MAN1A1: variants seen among roughly 807,000 people sequenced by gnomAD.
MAN1A1 encodes the protein mannosidase alpha class 1A member 1.
MAN1A1 carries 29 observed loss-of-function variants against 70.8 expected under a neutral mutation model. The observed-to-expected ratio is 0.41, with a 90% confidence interval of 0.31 to 0.56. MAN1A1 has a LOEUF of 0.56. Ranked by LOEUF, MAN1A1 falls within the 20% of genes least tolerant of loss-of-function variation. MAN1A1 has a pLI of 0.29. For missense variants in MAN1A1, 747 were observed against 841.3 expected (o/e 0.89, Z 1.39); for synonymous variants, 349 against 330.1 (o/e 1.06, Z -0.62).
intron 2 of MAN1A1, among the ~76,000 whole-genome samples, chr6:119,315,594 A>G (rs766799522): frequency 3.3e-5 from 5 of 152,208 alleles, no homozygotes; most frequent in Admixed American, 6.5e-5. Flanking sequence ...CAGAGGGTAC[A>G]GGGGAAAAGA....
chr6:119,325,583 G>C (rs1344197612), intron 2 of MAN1A1, among the ~76,000 whole-genome samples: 1 of 152,116 alleles, frequency 6.6e-6, no homozygotes, highest in East Asian at 1.9e-4. Flanking sequence ...CTTGAACCCA[G>C]GAGGCAGAGG....
chr6:119,201,595 G>GA (rs1773714721), intron 7 of MAN1A1, among the ~76,000 whole-genome samples: 1 of 152,158 alleles, frequency 6.6e-6, no homozygotes, highest in Non-Finnish European at 1.5e-5. Context: ...CACACTCTTA[G>GA]AATTGTGCAT....
intron 8 of MAN1A1, among the ~76,000 whole-genome samples, chr6:119,200,018 C>A (rs1411399831): frequency 6.6e-6 from 1 of 152,054 alleles, no homozygotes; most frequent in Non-Finnish European, 1.5e-5. Context: ...AGCAGTATCA[C>A]CTAACACTGT....
intron 8 of MAN1A1, among the ~76,000 whole-genome samples, chr6:119,200,557 C>T (rs533137029): frequency 2.6e-4 from 40 of 152,300 alleles, no homozygotes; most frequent in African/African-American, 8.7e-4. Context: ...AGTTGGGTAT[C>T]TCAATATTCT....
chr6:119,310,875 T>C (rs1350775730), intron 2 of MAN1A1, among the ~76,000 whole-genome samples: 2 of 152,214 alleles, frequency 1.3e-5, no homozygotes, highest in African/African-American at 4.8e-5. Context: ...TGAATGTTGG[T>C]GAATCATCTT....
intron 2 of MAN1A1, among the ~76,000 whole-genome samples, chr6:119,335,281 T>C (rs1163509840): frequency 6.6e-6 from 1 of 152,232 alleles, no homozygotes; most frequent in African/African-American, 2.4e-5. Flanking sequence ...AAGTACATAC[T>C]ATGTATTGAA....
intron 5 of MAN1A1, among the ~76,000 whole-genome samples, chr6:119,254,375 GAGTA>G (rs936525341): frequency 3.3e-5 from 5 of 152,162 alleles, no homozygotes; most frequent in African/African-American, 1.2e-4. Context: ...AAAAGAGGGA[GAGTA>G]AGGCTGATCA....
intron 2 of MAN1A1, among the ~76,000 whole-genome samples, chr6:119,313,072 G>C (rs1295181576): frequency 6.6e-6 from 1 of 152,066 alleles, no homozygotes; most frequent in Non-Finnish European, 1.5e-5. Flanking sequence ...TAGGAAGGAA[G>C]TTCTCCTTCC....
At chr6:119,267,651 C>T (rs546282953) in intron 5 of MAN1A1, among the ~76,000 whole-genome samples, 1 of 152,264 alleles carries the variant, frequency 6.6e-6, no homozygotes, top group Admixed American at 6.5e-5. Context: ...TTGCCAGCCA[C>T]CCTAGAAACC....
rs187842548 is a variant in MAN1A1 at position 119,195,984 on chromosome 6, T to C, written c.1211-2092A>G. On this transcript the variant is annotated intron_variant, in intron 8 of 12. Transcript: ENST00000368468. Reference sequence around the variant, plus strand: ...ATAAGCCCTGTTGTTATCAACATGATTGTAGGAGACACATGCAAGTGATGC... The same window carrying C: ...ATAAGCCCTGTTGTTATCAACATGACTGTAGGAGACACATGCAAGTGATGC... 2.7e-3 allele frequency among the ~76,000 whole-genome samples: 406 copies of C among 152,296 alleles called. 8 individuals are homozygous for C. The highest frequency in any genetic ancestry group is 5.7e-4 in the Non-Finnish European group (39 of 68,030).
At position 119,227,941 on chromosome 6, in the gene MAN1A1, TAGAG is replaced by T. The variant is rs1469640402; in HGVS notation, c.992+20315_992+20318del. Among the ~76,000 whole-genome samples, 10 of 152,300 alleles carry T rather than the reference TAGAG, an allele frequency of 6.6e-5. No individual in the cohort carries two copies. The East Asian group carries it at 1.9e-3, about 29-fold the overall frequency. ...AAATTTTAAGAGAATGCACTATATATAGAGAAATACATCTGCAATAATATTTCAT... is the reference window on the plus strand; with the variant it reads ...AAATTTTAAGAGAATGCACTATATATAAATACATCTGCAATAATATTTCAT... On this transcript the variant is annotated intron_variant, in intron 6 of 12. Coordinates refer to ENST00000368468, the MANE Select transcript of MAN1A1 (RefSeq NM_005907.4).
At chr6:119,231,147 T>C (rs1236699858) in intron 6 of MAN1A1, among the ~76,000 whole-genome samples, 1 of 152,150 alleles carries the variant, frequency 6.6e-6, no homozygotes, top group Non-Finnish European at 1.5e-5. Flanking sequence ...CTATTAAAGA[T>C]TCTTGATTAA....
At chr6:119,270,537 T>C (rs1775890861) in intron 5 of MAN1A1, among the ~76,000 whole-genome samples, 1 of 152,190 alleles carries the variant, frequency 6.6e-6, no homozygotes, top group Non-Finnish European at 1.5e-5. Context: ...CAACCCCTCT[T>C]GTCCTAGGCA....
intron 2 of MAN1A1, among the ~76,000 whole-genome samples, chr6:119,319,563 C>T (rs955439947): frequency 6.6e-6 from 1 of 151,842 alleles, no homozygotes; most frequent in Non-Finnish European, 1.5e-5. Context: ...GGGCAAAGAC[C>T]GCCATAAATT....
Position 119,310,382 on chromosome 6 carries a change from C to G in MAN1A1, c.604-3390G>C, listed in dbSNP as rs558177176. Among the ~76,000 whole-genome samples the G allele has an allele frequency of 5.9e-5, 9 of 152,314 alleles. No homozygotes were observed. In the East Asian group the frequency reaches 1.2e-3, roughly 20 times the overall value. ...TTTGGGCTTTCATTGCCCTATTTCA[C>G]TGAAGCCTACAAGTTCAAGTCCCAC... On this transcript the variant is annotated intron_variant, in intron 2 of 12. Transcript: ENST00000368468.
chr6:119,293,441 G>C (rs1308341871), intron 4 of MAN1A1, among the ~76,000 whole-genome samples: 1 of 152,100 alleles, frequency 6.6e-6, no homozygotes, highest in Non-Finnish European at 1.5e-5. Context: ...CAGTGAGCCT[G>C]TTTAAGAAGC....
At chr6:119,323,689 T>G (rs1773077781) in intron 2 of MAN1A1, among the ~76,000 whole-genome samples, 1 of 152,130 alleles carries the variant, frequency 6.6e-6, no homozygotes, top group Non-Finnish European at 1.5e-5. Flanking sequence ...GTGTTGATGA[T>G]TAAGTGACCT....
At chr6:119,201,182 C>T in intron 8 of MAN1A1, 72 bp downstream of exon 8, 3 of 1,128,812 alleles carry the variant, frequency 2.7e-6, no homozygotes, top group South Asian at 2.5e-5. Context: ...ATCTGTGCTG[C>T]TTTTGTGCTT....
chr6:119,281,448 G>A (rs1776222878), intron 5 of MAN1A1, among the ~76,000 whole-genome samples: 1 of 152,142 alleles, frequency 6.6e-6, no homozygotes, highest in South Asian at 2.1e-4. Flanking sequence ...CATGTAAGCT[G>A]AAGTAACATG....
Sources: gnomAD v4.1 joint callset for allele counts (sites outside exome capture counted in the v4.1 genomes callset) on GRCh38, gnomAD v4.1.1 for gene constraint, MANE v1.5 for transcripts, NCBI Gene and HGNC (gene_info 2026-07-23, HGNC 2026-07-21) for gene names.